SPAG16: variants seen among roughly 807,000 people sequenced by gnomAD.
SPAG16 encodes sperm-associated antigen 16 protein.
Under a neutral mutation model 80.4 loss-of-function variants are expected in SPAG16, and 86 were observed. The ratio of observed to expected loss-of-function variants is 1.07; its 90% CI spans 0.90 to 1.28. The LOEUF (loss-of-function observed/expected upper bound fraction) is 1.28. Ranked by LOEUF, SPAG16 falls within the 50% of genes most tolerant of loss-of-function variation. The pLI, the probability that SPAG16 is intolerant of heterozygous loss-of-function variation, is 0.00. For missense variants in SPAG16, 870 were observed against 765.3 expected (o/e 1.14, Z -1.61); for synonymous variants, 294 against 265.9 (o/e 1.11, Z -1.03).
intron 15 of SPAG16, among the ~76,000 whole-genome samples, chr2:214,310,165 C>CTTT (rs3044977): frequency 0.011 from 1,599 of 143,800 alleles, 10 homozygotes; most frequent in Middle Eastern, 0.071. Context: ...TTCTTTCTTT[C>CTTT]TTTTTTTTTT....
rs1698601693 is a variant in SPAG16 at position 214,354,082 on chromosome 2, T to C, written c.1721-56058T>C. ...TGCCTGTATCAAAACATGTACCCCA[T>C]AAATATATATATGTACCCCATAAAT... On this transcript the variant is annotated intron_variant, in intron 15 of 15. Transcript: ENST00000331683. Among the ~76,000 whole-genome samples the C allele has an allele frequency of 3.3e-5, 5 of 151,212 alleles. No homozygotes were observed. The South Asian group carries it at 1.1e-3, about 32-fold the overall frequency.
chr2:213,896,601 C>CT (rs2077004406), intron 11 of SPAG16, among the ~76,000 whole-genome samples: 1 of 143,438 alleles, frequency 7.0e-6, no homozygotes. Flanking sequence ...CGCACACACA[C>CT]ACACACACAC....
chr2:214,190,045 A>G (rs758137745), intron 15 of SPAG16, among the ~76,000 whole-genome samples: 1 of 152,086 alleles, frequency 6.6e-6, no homozygotes, highest in Non-Finnish European at 1.5e-5. Flanking sequence ...TTGCACTATC[A>G]AACTCTGTCT....
At chr2:214,383,114 T>C (rs1044360328) in intron 15 of SPAG16, among the ~76,000 whole-genome samples, 1 of 152,190 alleles carries the variant, frequency 6.6e-6, no homozygotes, top group Non-Finnish European at 1.5e-5. Context: ...CAACCTTCAC[T>C]GAACTTATAA....
intron 15 of SPAG16, among the ~76,000 whole-genome samples, chr2:214,279,322 C>T (rs1381912840): frequency 1.3e-5 from 2 of 152,136 alleles, no homozygotes; most frequent in Non-Finnish European, 2.9e-5. Flanking sequence ...GTCTCAATCT[C>T]TTGACCTTGT....
At chr2:213,326,605 A>C (rs1275258309) in intron 5 of SPAG16, among the ~76,000 whole-genome samples, 2 of 152,022 alleles carry the variant, frequency 1.3e-5, no homozygotes, top group Non-Finnish European at 2.9e-5. Flanking sequence ...GGGTTAAATA[A>C]ATTCATTTAT....
At chr2:213,710,809 G>A (rs766185380) in intron 10 of SPAG16, among the ~76,000 whole-genome samples, 2 of 152,158 alleles carry the variant, frequency 1.3e-5, no homozygotes, top group African/African-American at 2.4e-5. Context: ...GATGTTGACC[G>A]TGTGGTCAAT....
At chr2:213,362,442 A>G (rs2066033218) in intron 7 of SPAG16, among the ~76,000 whole-genome samples, 1 of 152,194 alleles carries the variant, frequency 6.6e-6, no homozygotes, top group African/African-American at 2.4e-5. Flanking sequence ...AATGACTTGC[A>G]TCCAGAAATG....
chr2:214,296,832 A>G (rs1011194881), intron 15 of SPAG16, among the ~76,000 whole-genome samples: 20 of 152,320 alleles, frequency 1.3e-4, no homozygotes, highest in African/African-American at 4.6e-4. Flanking sequence ...CAGATCCCTC[A>G]TGAATGGCTT....
intron 1 of SPAG16, among the ~76,000 whole-genome samples, chr2:213,285,479 A>G (rs575937656): frequency 1.3e-5 from 2 of 152,334 alleles, no homozygotes; most frequent in Non-Finnish European, 2.9e-5. Context: ...TTATCTGTTC[A>G]GTTCTTAAAG....
At chr2:214,005,398 T>C (rs971123960) in intron 12 of SPAG16, among the ~76,000 whole-genome samples, 5 of 152,330 alleles carry the variant, frequency 3.3e-5, no homozygotes, top group Middle Eastern at 3.4e-3. Flanking sequence ...CTGCCTTTTA[T>C]GTGAGGTGGA....
chr2:214,050,227 C>A (rs1457690427), intron 13 of SPAG16, among the ~76,000 whole-genome samples: 1 of 151,410 alleles, frequency 6.6e-6, no homozygotes, highest in Non-Finnish European at 1.5e-5. Context: ...TCTAGCCCAA[C>A]TATTCTTTAG....
chr2:214,069,946 A>G (rs889413381), intron 13 of SPAG16, among the ~76,000 whole-genome samples: 5 of 152,076 alleles, frequency 3.3e-5, no homozygotes, highest in Non-Finnish European at 7.4e-5. Context: ...AATAAACTGG[A>G]GATTGTAACT....
chr2:214,140,959 G>A (rs1203409199), intron 14 of SPAG16, among the ~76,000 whole-genome samples: 2 of 139,094 alleles, frequency 1.4e-5, no homozygotes, highest in African/African-American at 5.3e-5. Flanking sequence ...GGGGGTGGGG[G>A]GATGTGACAG....
chr2:213,956,994 A>G (rs1438471505), intron 12 of SPAG16, among the ~76,000 whole-genome samples: 2 of 152,152 alleles, frequency 1.3e-5, no homozygotes, highest in African/African-American at 4.8e-5. Flanking sequence ...GTACTCAGAG[A>G]AGATACTTTG....
chr2:214,356,284 T>C (rs2126060814), intron 15 of SPAG16, among the ~76,000 whole-genome samples: 1 of 152,138 alleles, frequency 6.6e-6, no homozygotes, highest in Admixed American at 6.6e-5. Context: ...ATAAACACAT[T>C]GCTTGTCCTT....
intron 15 of SPAG16, among the ~76,000 whole-genome samples, chr2:214,362,369 TCATA>T (rs1222851632): frequency 6.6e-6 from 1 of 151,804 alleles, no homozygotes; most frequent in Non-Finnish European, 1.5e-5. Context: ...AAGGAAGAGG[TCATA>T]CATGATACTT....
rs1279437345 is a variant in SPAG16 at position 214,304,005 on chromosome 2, C to A, written c.1721-106135C>A. ...GGTATTTTTCCTGATCTTCTCTCTC[C>A]TCCCACCCTCCACCTTCCAGTAGGC... On this transcript the variant is annotated intron_variant, in intron 15 of 15. Coordinates refer to ENST00000331683, the MANE Select transcript of SPAG16 (RefSeq NM_024532.5). Among the ~76,000 whole-genome samples the A allele has an allele frequency of 1.3e-5, 2 of 152,134 alleles. 1 individual carries two copies. Among genetic ancestry groups the A allele is most frequent in the Non-Finnish European group, 2.9e-5 (2 of 68,018 alleles).
intron 11 of SPAG16, among the ~76,000 whole-genome samples, chr2:213,917,041 C>A (rs1421882183): frequency 6.6e-6 from 1 of 152,124 alleles, no homozygotes; most frequent in Non-Finnish European, 1.5e-5. Flanking sequence ...ATAGGGAATA[C>A]TTTCCCCATT....
Sources: allele counts gnomAD v4.1 joint callset (sites outside exome capture counted in the v4.1 genomes callset), GRCh38; gene constraint gnomAD v4.1.1; transcripts MANE v1.5; gene names NCBI Gene and HGNC (gene_info 2026-07-23, HGNC 2026-07-21).